The following KATNAL2 variants were observed in gnomAD, a reference collection of about 807,000 sequenced individuals.
KATNAL2 encodes katanin p60 ATPase-containing subunit A-like 2.
A neutral mutation model predicts 76.3 loss-of-function variants in KATNAL2; 52 were observed. The ratio of observed to expected loss-of-function variants is 0.68; its 90% CI spans 0.55 to 0.86. KATNAL2 has a LOEUF of 0.86. Ranked by LOEUF, KATNAL2 falls within the 40% of genes least tolerant of loss-of-function variation. The pLI, the probability that KATNAL2 is intolerant of heterozygous loss-of-function variation, is 0.00. For synonymous variants in KATNAL2, 243 were observed against 244.2 expected (o/e 1.00, Z 0.05); for missense variants, 660 against 668.9 (o/e 0.99, Z 0.15).
intron 3 of KATNAL2, chr18:47,033,613 G>T (rs377434176): frequency 6.2e-7 from 1 of 1,614,062 alleles, no homozygotes; most frequent in Non-Finnish European, 8.5e-7. Context: ...AACCCAGTAG[G>T]GGACCTCTCC....
rs970928295 is a variant in KATNAL2, at chr18:46,923,699, A to G, written c.-510+5773A>G. ...AGTTTACAGTCCCACCAACATTGTC[A>G]AAGTGTTCCAGCTGCTCCACATCCT... On this transcript the variant is annotated intron_variant, in intron 1 of 17. Coordinates refer to ENST00000683218, the MANE Select transcript of KATNAL2 (RefSeq NM_001387690.1). Among the ~76,000 whole-genome samples, 4 of 152,324 alleles carry G rather than the reference A, an allele frequency of 2.6e-5. No individual in the cohort carries two copies. In the East Asian group the frequency reaches 7.7e-4, roughly 29 times the overall value.
chr18:46,959,437 C>T (rs1275812040), intron 3 of KATNAL2, among the ~76,000 whole-genome samples: 1 of 152,094 alleles, frequency 6.6e-6, no homozygotes, highest in African/African-American at 2.4e-5. Flanking sequence ...GTTGCTAATG[C>T]CACATTAGTA....
At chr18:46,961,249 T>A (rs1002685957) in intron 3 of KATNAL2, among the ~76,000 whole-genome samples, 6 of 151,626 alleles carry the variant, frequency 4.0e-5, no homozygotes, top group African/African-American at 1.5e-4. Flanking sequence ...CTTTCTCCCT[T>A]TCCTCACGTC....
chr18:47,033,384 T>C (rs770629469), intron 3 of KATNAL2: 9 of 1,614,174 alleles, frequency 5.6e-6, no homozygotes, highest in Non-Finnish European at 7.6e-6. Context: ...CACGTGCAGA[T>C]CGGATATTCG....
chr18:47,077,582 A>G lies in KATNAL2; in HGVS notation c.1211+121A>G. The G allele has an allele frequency of 2.0e-5, 14 of 685,904 alleles. 1 individual carries two copies. In the South Asian group the frequency reaches 2.4e-4, roughly 12 times the overall value. The allele number at this position is 685,904 out of a possible 1,614,324, so 42.5% of individuals were successfully genotyped here. On this transcript the variant is annotated intron_variant, in intron 15 of 17. Transcript: ENST00000683218. ...GTTTGGCTGCAGCCCTGGAAGATTA[A>G]TGTGGAGGCTTTACTGTTCAGGTCC... is the stretch of plus-strand genomic sequence containing the variant.
At chr18:47,035,967 A>G (rs115092571) in intron 3 of KATNAL2, among the ~76,000 whole-genome samples, 1,928 of 152,326 alleles carry the variant, frequency 0.013, 36 homozygotes, top group African/African-American at 0.043. Flanking sequence ...TAAAAGACAA[A>G]AATAAAACCG....
rs747669092 is a variant in KATNAL2 at position 47,033,917 on chromosome 18, C to T, written c.52-12540C>T. ...ACATGGCTGGGCACCGTTTTCGGCC[C>T]GGCGGAATCAGCGCCGGCCGCCTGC... On this transcript the variant is annotated intron_variant, in intron 3 of 17. Transcript: ENST00000683218. 94 of 1,612,950 alleles carry T rather than the reference C, an allele frequency of 5.8e-5. No individual in the cohort carries two copies. In the South Asian group the frequency reaches 9.0e-4, roughly 15 times the overall value.
intron 3 of KATNAL2, chr18:47,033,862 G>A (rs992083719): frequency 2.5e-6 from 4 of 1,614,000 alleles, no homozygotes; most frequent in African/African-American, 2.7e-5. Flanking sequence ...CTGCATCCAG[G>A]CCTCTGAGAG....
At chr18:46,947,063 C>G (rs951985161) in intron 3 of KATNAL2, 140 bp downstream of exon 3, 2 of 683,298 alleles carry the variant, frequency 2.9e-6, no homozygotes, top group East Asian at 5.4e-5. Context: ...GGCGCTCGGC[C>G]GAGGTGGTTA....
In KATNAL2 at chr18:47,101,025, T is replaced by C. The variant is rs1485663335; in HGVS notation, c.*20T>C. 2 of 1,613,088 alleles carry C rather than the reference T, an allele frequency of 1.2e-6. No individual in the cohort carries two copies. Among genetic ancestry groups the C allele is most frequent in the Admixed American group, 1.7e-5 (1 of 59,966 alleles). ...GTCTGAAACCACATTTACCCTGACC[T>C]GGCCACAAAGGCAACCACAAAGACC... On this transcript the variant is annotated 3_prime_UTR_variant, in exon 18 of 18. Coordinates refer to ENST00000683218, the MANE Select transcript of KATNAL2 (RefSeq NM_001387690.1).
intron 3 of KATNAL2, among the ~76,000 whole-genome samples, chr18:46,961,482 T>C (rs972905642): frequency 2.0e-5 from 3 of 152,238 alleles, no homozygotes; most frequent in South Asian, 2.1e-4. Context: ...CAAAAACTTT[T>C]ATCATTTGTA....
intron 17 of KATNAL2, 107 bp downstream of exon 17, chr18:47,100,463 A>G (rs2063414725): frequency 2.3e-6 from 2 of 865,180 alleles, no homozygotes; most frequent in Admixed American, 4.8e-5. Context: ...ACACTTGGCA[A>G]TGCGTTTTTT....
rs531524228 is a variant in KATNAL2 at position 47,100,407 on chromosome 18, C to G, written c.1477+51C>G. 2.1e-6 allele frequency: 3 copies of G among 1,454,492 alleles called. No individual in the cohort carries two copies. The East Asian group carries it at 6.9e-5, about 33-fold the overall frequency. The allele number at this position is 1,454,492 out of a possible 1,614,324, so 90.1% of individuals were successfully genotyped here. Reference sequence around the variant, plus strand: ...GTTCCAGGAATTTGTGTAAAAATCCCTCTCACCAGCAGATGGAGCCTGGCG... The same window carrying G: ...GTTCCAGGAATTTGTGTAAAAATCCGTCTCACCAGCAGATGGAGCCTGGCG... On this transcript the variant is annotated intron_variant, in intron 17 of 17. Transcript: ENST00000683218.
chr18:47,096,795 C>T (rs1179889656), intron 15 of KATNAL2, among the ~76,000 whole-genome samples: 1 of 152,096 alleles, frequency 6.6e-6, no homozygotes, highest in Non-Finnish European at 1.5e-5. Flanking sequence ...CTCTGCTTTA[C>T]ATAATAGTGC....
At chr18:47,067,172 A>G in intron 11 of KATNAL2, 53 bp downstream of exon 11, 1 of 853,382 alleles carries the variant, frequency 1.2e-6, no homozygotes, top group Non-Finnish European at 1.9e-6. Context: ...CCATTGGACA[A>G]GCTGTATGTC....
At chr18:47,031,245 GCA>G (rs1402872787) in intron 3 of KATNAL2, among the ~76,000 whole-genome samples, 3 of 151,804 alleles carry the variant, frequency 2.0e-5, no homozygotes, top group African/African-American at 4.9e-5. Context: ...GCTCTGGTCT[GCA>G]GCTGATATTG....
At chr18:46,950,380 T>C (rs1361759343) in intron 3 of KATNAL2, among the ~76,000 whole-genome samples, 3 of 152,172 alleles carry the variant, frequency 2.0e-5, no homozygotes, top group East Asian at 3.9e-4. Context: ...GTGTTAGATA[T>C]AAAGAGGACT....
intron 1 of KATNAL2, among the ~76,000 whole-genome samples, chr18:46,939,395 A>T (rs1466611857): frequency 6.6e-6 from 1 of 152,040 alleles, no homozygotes; most frequent in Non-Finnish European, 1.5e-5. Flanking sequence ...AAGAGAAGGG[A>T]TGTCATCTCA....
intron 10 of KATNAL2, among the ~76,000 whole-genome samples, chr18:47,066,703 G>C (rs1384150370): frequency 6.6e-6 from 1 of 151,344 alleles, no homozygotes; most frequent in Non-Finnish European, 1.5e-5. Flanking sequence ...ACTGAAAACA[G>C]GTAGAGTCTG....
Sources: allele counts gnomAD v4.1 joint callset (sites outside exome capture counted in the v4.1 genomes callset), GRCh38; gene constraint gnomAD v4.1.1; transcripts MANE v1.5; gene names NCBI Gene and HGNC (gene_info 2026-07-23, HGNC 2026-07-21).